Variants in PRAP1 observed in about 807,000 individuals in gnomAD.
PRAP1 encodes the protein proline-rich acidic protein 1.
PRAP1 carries 12 observed loss-of-function variants against 14.6 expected under a neutral mutation model. That is an observed-to-expected ratio of 0.82 (90% CI 0.53 to 1.33). The LOEUF is 1.33. Among genes scored for constraint, PRAP1 ranks in the 40% most tolerant of loss-of-function variants. The pLI is 0.00. For missense variants in PRAP1, 160 were observed against 193.7 expected (o/e 0.83, Z 1.03); for synonymous variants, 81 against 80.3 (o/e 1.01, Z -0.04).
chr10:133,349,068 G>A (rs1383376554), intron 1 of PRAP1, among the ~76,000 whole-genome samples: 1 of 143,318 alleles, frequency 7.0e-6, no homozygotes, highest in Non-Finnish European at 1.5e-5. Context: ...GCAGGGCCCT[G>A]AAGAGACAAG....
intron 2 of PRAP1, chr10:133,350,632 C>G (rs1319472085): frequency 6.2e-6 from 1 of 162,358 alleles, no homozygotes; most frequent in African/African-American, 2.4e-5. Context: ...AGTGGCTCAG[C>G]TGCACTGTCT....
At position 133,350,178 on chromosome 10, in the gene PRAP1, C is replaced by T. The variant is rs895862116; in HGVS notation, c.75+17C>T. 1.2e-6 allele frequency: 2 copies of T among 1,609,384 alleles called. No individual in the cohort carries two copies. Among genetic ancestry groups the T allele is most frequent in the Admixed American group, 1.7e-5 (1 of 59,738 alleles). On this transcript the variant is annotated intron_variant, in intron 2 of 4. Coordinates refer to ENST00000433452, the MANE Select transcript of PRAP1 (RefSeq NM_145202.5). ...GCACCCAAGGTAGGTGTGAGCCCCT[C>T]CCATCTGGGCAGCAACTCCAGTTGT... is the stretch of plus-strand genomic sequence containing the variant.
chr10:133,351,949 G>A lies in PRAP1; in HGVS notation c.129-58G>A, dbSNP rs375021773. 2.0e-5 allele frequency: 32 copies of A among 1,585,008 alleles called. No homozygotes were observed. The highest frequency in any genetic ancestry group is 4.6e-5 in the South Asian group (4 of 87,550). On this transcript the variant is annotated intron_variant, in intron 3 of 4. Coordinates refer to ENST00000433452, the MANE Select transcript of PRAP1 (RefSeq NM_145202.5). The surrounding 1 kb of genome is among the most constrained non-coding windows in gnomAD (Gnocchi z 4.3). ...CCTGGGATGGTGGGCACCCTCCTGC[G>A]GGGGGTTCTGTCCACCTCCCCCACC... is the stretch of plus-strand genomic sequence containing the variant.
intron 1 of PRAP1, among the ~76,000 whole-genome samples, chr10:133,348,981 C>G (rs1427941448): frequency 2.0e-5 from 3 of 151,944 alleles, no homozygotes; most frequent in African/African-American, 7.3e-5. Flanking sequence ...TGACTGCAGC[C>G]CTGCTGAGCC....
rs1848673971 is a variant in PRAP1, at chr10:133,351,265, C to T, written c.76-116C>T. The T allele has an allele frequency of 1.4e-5, 9 of 661,360 alleles. No individual in the cohort carries two copies. The Admixed American group carries it at 2.2e-4, about 16-fold the overall frequency. The allele number at this position is 661,360 out of a possible 1,614,324, so 41.0% of individuals were successfully genotyped here. On this transcript the variant is annotated intron_variant, in intron 2 of 4. Coordinates refer to ENST00000433452, the MANE Select transcript of PRAP1 (RefSeq NM_145202.5). The surrounding 1 kb of genome is among the most constrained non-coding windows in gnomAD (Gnocchi z 4.3). ...TGTGCTGAGCTGGCCCTGCCCCCAC[C>T]CCCTGCAGCCACCTCCACCCCATGC...
chr10:133,348,392 G>A (rs921240977), intron 1 of PRAP1, among the ~76,000 whole-genome samples: 3 of 152,188 alleles, frequency 2.0e-5, no homozygotes, highest in African/African-American at 7.2e-5. Flanking sequence ...CCCAGAGAAC[G>A]GGCAAAGGTC....
In PRAP1 at chr10:133,350,235, C is replaced by A. The variant is rs75531018; in HGVS notation, c.75+74C>A. The A allele has an allele frequency of 1.8e-3, 2,470 of 1,346,414 alleles. 37 individuals are homozygous for A. In the East Asian group the frequency reaches 0.034, roughly 18 times the overall value. The allele number at this position is 1,346,414 out of a possible 1,614,324, so 83.4% of individuals were successfully genotyped here. ...CTGCCCCTACAGCAGGGGATGTGGA[C>A]AAAGGGCCCCTCTTCTGGCTTCAAA... On this transcript the variant is annotated intron_variant, in intron 2 of 4. Coordinates refer to ENST00000433452, the MANE Select transcript of PRAP1 (RefSeq NM_145202.5).
In PRAP1 at chr10:133,351,840, C is replaced by T. The variant is rs1439412486; in HGVS notation, c.129-167C>T. On this transcript the variant is annotated intron_variant, in intron 3 of 4. Transcript: ENST00000433452. This position sits in a 1 kb window ranked among gnomAD's most constrained non-coding sequence, Gnocchi z 4.3. ...CAGGGACGTGGTGTGGAAGCCTGGC[C>T]GGGAGCACTGGGGGCCACTCATCAC... Among the ~76,000 whole-genome samples the T allele has an allele frequency of 2.0e-5, 3 of 152,180 alleles. No homozygotes were observed. The highest frequency in any genetic ancestry group is 2.9e-5 in the Non-Finnish European group (2 of 68,026).
At position 133,351,461 on chromosome 10, in the gene PRAP1, C is replaced by A. The variant is rs1296655295; in HGVS notation, c.128+28C>A. 3.9e-6 allele frequency: 6 copies of A among 1,539,276 alleles called. No homozygotes were observed. The highest frequency in any genetic ancestry group is 5.3e-6 in the Non-Finnish European group (6 of 1,124,224). On this transcript the variant is annotated intron_variant, in intron 3 of 4. Transcript: ENST00000433452. This position sits in a 1 kb window ranked among gnomAD's most constrained non-coding sequence, Gnocchi z 4.3. ...AAGTCCCCCCAACCCCACCTCCCCACCACCCATTCCCTGAAGCTACAGCCC... is the reference window on the plus strand; with the variant it reads ...AAGTCCCCCCAACCCCACCTCCCCAACACCCATTCCCTGAAGCTACAGCCC...
chr10:133,348,076 G>A (rs1308417191), intron 1 of PRAP1, among the ~76,000 whole-genome samples: 1 of 152,164 alleles, frequency 6.6e-6, no homozygotes, highest in African/African-American at 2.4e-5. Flanking sequence ...CCTGGAGAGG[G>A]GACCCACGGG....
chr10:133,352,338 G>A lies in PRAP1; in HGVS notation c.354G>A (p.Glu118=). Residue 118 remains glutamate, a synonymous_variant, in exon 5 of 5, where the codon GAG becomes GAA. Coordinates refer to ENST00000433452, the MANE Select transcript of PRAP1 (RefSeq NM_145202.5). ...DHDSLYHPPP[E]EDQGEERPRL... is the part of the protein sequence containing the mutation. ...ACAGCCTGTACCACCCTCCGCCTGA[G>A]GAGGACCAGGGCGAGGAGAGGCCCC... is the stretch of plus-strand genomic sequence containing the variant. 6.2e-7 allele frequency: 1 copy of A among 1,613,214 alleles called. No homozygotes were observed.
At chr10:133,350,999 A>T (rs919347902) in intron 2 of PRAP1, among the ~76,000 whole-genome samples, 1 of 152,106 alleles carries the variant, frequency 6.6e-6, no homozygotes, top group Non-Finnish European at 1.5e-5. Context: ...GGCACCAGCC[A>T]GGAAGGGGTG....
rs1410844448 is a variant in PRAP1, at chr10:133,352,252, A to G, written c.268A>G (p.Lys90Glu). The change falls in exon 5 of 5, where the codon AAG (lysine) becomes GAG (glutamate). Residue 90 changes from lysine (K) to glutamate (E), a missense_variant. Coordinates refer to ENST00000433452, the MANE Select transcript of PRAP1 (RefSeq NM_145202.5). The part of the protein sequence containing the change: ...QGRGPILPGT[K>E]AWMETEDTLG... ...CTTCATGTGCTTGTCCCTAGGCACCAAGGCCTGGATGGAGACCGAGGACAC... is the reference window on the plus strand; with the variant it reads ...CTTCATGTGCTTGTCCCTAGGCACCGAGGCCTGGATGGAGACCGAGGACAC... 1.9e-6 allele frequency: 3 copies of G among 1,612,962 alleles called. No individual in the cohort carries two copies. Among genetic ancestry groups the G allele is most frequent in the Non-Finnish European group, 2.5e-6 (3 of 1,179,870 alleles).
chr10:133,348,270 G>A (rs1848615293), intron 1 of PRAP1, among the ~76,000 whole-genome samples: 1 of 152,198 alleles, frequency 6.6e-6, no homozygotes, highest in Non-Finnish European at 1.5e-5. Context: ...ATCAGAACCA[G>A]CTGGGGGTCC....
At position 133,351,419 on chromosome 10, in the gene PRAP1, G is replaced by A. The variant is rs201333706; in HGVS notation, c.114G>A (p.Glu38=). ...IKMQVKHWPS[E]QDPEKAWGAR... ...TGCAAGTCAAACACTGGCCCTCAGA[G>A]CAGGACCCAGAGAAGTAAGTCCCCC... The change falls in exon 3 of 5, where the codon GAG becomes GAA. Residue 38 remains glutamate, a synonymous_variant. Coordinates refer to ENST00000433452, the MANE Select transcript of PRAP1 (RefSeq NM_145202.5). This position sits in a 1 kb window ranked among gnomAD's most constrained non-coding sequence, Gnocchi z 4.3. 1.3e-4 allele frequency: 203 copies of A among 1,610,558 alleles called. No homozygotes were observed. The highest frequency in any genetic ancestry group is 1.6e-4 in the Non-Finnish European group (194 of 1,178,466).
chr10:133,349,171 AC>A (rs1480720461), intron 1 of PRAP1, among the ~76,000 whole-genome samples: 1 of 149,050 alleles, frequency 6.7e-6, no homozygotes, highest in African/African-American at 2.5e-5. Flanking sequence ...GCACACACCC[AC>A]CCCCAAACCC....
chr10:133,347,561 A>AG lies in PRAP1; in HGVS notation c.8+140dup, dbSNP rs1848605908. 2.2e-6 allele frequency: 2 copies of AG among 896,902 alleles called. No individual in the cohort carries two copies. Among genetic ancestry groups the AG allele is most frequent in the African/African-American group, 3.5e-5 (2 of 57,872 alleles). The allele number at this position is 896,902 out of a possible 1,614,324, so 55.6% of individuals were successfully genotyped here. A position where few individuals can be genotyped will look rare whatever the true frequency, so the allele number is the denominator to read the frequency against. On this transcript the variant is annotated intron_variant, in intron 1 of 4. Coordinates refer to ENST00000433452, the MANE Select transcript of PRAP1 (RefSeq NM_145202.5). This position sits in a 1 kb window ranked among gnomAD's most constrained non-coding sequence, Gnocchi z 5.0. ...GAGTGTGCGGGTGGGAGGGAGAAGG[A>AG]GGGGCCCTCTGAGGGTCTGGGGTCT...
Position 133,352,590 on chromosome 10 carries a change from G to A in PRAP1, c.*150G>A, listed in dbSNP as rs775774160. ...TGTAATCCCAGCACTTTTAGAGGCCGAGGCAGGCGGATCACCTGAAATCAG... is the reference window on the plus strand; with the variant it reads ...TGTAATCCCAGCACTTTTAGAGGCCAAGGCAGGCGGATCACCTGAAATCAG... On this transcript the variant is annotated 3_prime_UTR_variant, in exon 5 of 5. Coordinates refer to ENST00000433452, the MANE Select transcript of PRAP1 (RefSeq NM_145202.5). The A allele has an allele frequency of 3.5e-5, 22 of 635,568 alleles. No homozygotes were observed. Among genetic ancestry groups the A allele is most frequent in the East Asian group, 1.1e-4 (4 of 35,648 alleles). 39.4% of individuals were successfully genotyped at this position (635,568 alleles called of 1,614,324 possible). A position where few individuals can be genotyped will look rare whatever the true frequency, so the allele number is the denominator to read the frequency against.
At chr10:133,349,665 C>A (rs1021681212) in intron 1 of PRAP1, among the ~76,000 whole-genome samples, 1 of 152,270 alleles carries the variant, frequency 6.6e-6, no homozygotes, top group Non-Finnish European at 1.5e-5. Flanking sequence ...CAGCGTGCAG[C>A]CTCAGGGCTC....
Sources: allele counts gnomAD v4.1 joint callset (sites outside exome capture counted in the v4.1 genomes callset), GRCh38; gene constraint gnomAD v4.1.1; non-coding constraint Gnocchi (gnomAD v3.1); transcripts MANE v1.5; gene names NCBI Gene and HGNC (gene_info 2026-07-23, HGNC 2026-07-21).